CTNNA3: variants seen among roughly 807,000 people sequenced by gnomAD.
CTNNA3 encodes catenin alpha 3, also known as catenin alpha-3.
CTNNA3 carries 76 observed loss-of-function variants against 95.7 expected under a neutral mutation model. The observed-to-expected ratio is 0.79, with a 90% confidence interval of 0.66 to 0.96. The LOEUF (loss-of-function observed/expected upper bound fraction) is 0.96. Ranked by LOEUF, CTNNA3 falls within the 40% of genes least tolerant of loss-of-function variation. CTNNA3 has a pLI of 0.00. For missense variants in CTNNA3, 1,191 were observed against 1,089.8 expected, an observed-to-expected ratio of 1.09 and a Z score of -1.31; for synonymous variants, 431 against 374.4, an observed-to-expected ratio of 1.15 and a Z score of -1.74.
intron 11 of CTNNA3, among the ~76,000 whole-genome samples, chr10:66,483,603 C>T (rs1289862956): frequency 6.6e-6 from 1 of 152,126 alleles, no homozygotes; most frequent in African/African-American, 2.4e-5. Context: ...GTTGTCTTTA[C>T]CTCCTACACC....
chr10:66,420,842 A>AAATAAATAACT (rs1564945941), intron 11 of CTNNA3, among the ~76,000 whole-genome samples: 5 of 107,926 alleles, frequency 4.6e-5, no homozygotes, highest in African/African-American at 2.0e-4. Context: ...AATAAATAAA[A>AAATAAATAACT]AACAATATGG....
chr10:66,668,462 C>CACATCCACAT (rs1167088917), intron 9 of CTNNA3, among the ~76,000 whole-genome samples: 2 of 126,808 alleles, frequency 1.6e-5, no homozygotes, highest in African/African-American at 6.4e-5. Flanking sequence ...GTGTGTGATA[C>CACATCCACAT]ACATCCACAT....
chr10:66,281,526 A>G (rs1344654475), intron 12 of CTNNA3, among the ~76,000 whole-genome samples: 1 of 151,850 alleles, frequency 6.6e-6, no homozygotes, highest in Non-Finnish European at 1.5e-5. Flanking sequence ...TCAGAGTCCC[A>G]AAATGCAGTT....
At chr10:67,187,448 A>G (rs570873276) in intron 6 of CTNNA3, among the ~76,000 whole-genome samples, 1 of 152,194 alleles carries the variant, frequency 6.6e-6, no homozygotes, top group Admixed American at 6.5e-5. Flanking sequence ...CATTCACCTG[A>G]GTCTCATTAT....
At chr10:66,523,744 G>A (rs907005936) in intron 10 of CTNNA3, among the ~76,000 whole-genome samples, 3 of 151,706 alleles carry the variant, frequency 2.0e-5, no homozygotes, top group African/African-American at 4.8e-5. Context: ...ATCTTAACTG[G>A]GCCATTCTAG....
At chr10:66,214,430 G>C (rs1202385754) in intron 13 of CTNNA3, among the ~76,000 whole-genome samples, 1 of 152,102 alleles carries the variant, frequency 6.6e-6, no homozygotes, top group African/African-American at 2.4e-5. Context: ...ATTTGTGATT[G>C]TATATTGAAT....
intron 14 of CTNNA3, among the ~76,000 whole-genome samples, chr10:66,070,244 G>A (rs1200844936): frequency 6.6e-6 from 1 of 152,160 alleles, no homozygotes; most frequent in Non-Finnish European, 1.5e-5. Flanking sequence ...ATGTGAGGTT[G>A]TAAGAGAGGA....
chr10:66,380,138 C>T (rs2092825636), intron 11 of CTNNA3, among the ~76,000 whole-genome samples: 1 of 152,080 alleles, frequency 6.6e-6, no homozygotes, highest in Non-Finnish European at 1.5e-5. Flanking sequence ...AATTCCAGAA[C>T]ATATCATTAA....
At chr10:67,363,556 T>C (rs932013811) in intron 5 of CTNNA3, among the ~76,000 whole-genome samples, 2 of 151,098 alleles carry the variant, frequency 1.3e-5, no homozygotes, top group African/African-American at 4.9e-5. Context: ...ATCAACAAAA[T>C]AGATAGACTG....
At chr10:66,236,734 A>G (rs2089871090) in intron 13 of CTNNA3, among the ~76,000 whole-genome samples, 1 of 152,170 alleles carries the variant, frequency 6.6e-6, no homozygotes, top group Non-Finnish European at 1.5e-5. Flanking sequence ...TATCTTTCCA[A>G]CATGCTTTTG....
chr10:67,073,586 CAT>C (rs1856580231), intron 7 of CTNNA3, among the ~76,000 whole-genome samples: 1 of 150,044 alleles, frequency 6.7e-6, no homozygotes, highest in Non-Finnish European at 1.5e-5. Flanking sequence ...ATGAGAGAGT[CAT>C]ATTAAAAAAA....
At chr10:66,957,903 C>T (rs1050196042) in intron 7 of CTNNA3, among the ~76,000 whole-genome samples, 16 of 152,072 alleles carry the variant, frequency 1.1e-4, no homozygotes, top group South Asian at 4.1e-4. Context: ...CCTGGACTTA[C>T]GCATATGAAC....
At chr10:66,509,100 T>C (rs903414372) in intron 11 of CTNNA3, among the ~76,000 whole-genome samples, 6 of 152,152 alleles carry the variant, frequency 3.9e-5, no homozygotes, top group African/African-American at 1.4e-4. Context: ...TGTGAGATGA[T>C]ACCTCATTGT....
intron 6 of CTNNA3, among the ~76,000 whole-genome samples, chr10:67,190,353 T>C (rs1863064004): frequency 6.6e-6 from 1 of 152,016 alleles, no homozygotes; most frequent in Non-Finnish European, 1.5e-5. Context: ...CACTTTGTAT[T>C]TTCTCTGAGT....
intron 5 of CTNNA3, among the ~76,000 whole-genome samples, chr10:67,429,713 T>C (rs1846044249): frequency 6.6e-6 from 1 of 152,002 alleles, no homozygotes; most frequent in Non-Finnish European, 1.5e-5. Context: ...TGTCGAGGCC[T>C]TTTTGATAAA....
chr10:66,003,683 C>A (rs1392430582), intron 15 of CTNNA3, among the ~76,000 whole-genome samples: 1 of 152,148 alleles, frequency 6.6e-6, no homozygotes, highest in Non-Finnish European at 1.5e-5. Context: ...GTAAAACAGA[C>A]TATTTTCTCC....
upstream of CTNNA3, among the ~76,000 whole-genome samples, chr10:67,698,680 T>C (rs1841008962): frequency 6.6e-6 from 1 of 152,188 alleles, no homozygotes; most frequent in Non-Finnish European, 1.5e-5. Flanking sequence ...TGAACAGCCA[T>C]AATACCTTTC....
intron 12 of CTNNA3, among the ~76,000 whole-genome samples, chr10:66,366,200 A>C (rs1240442070): frequency 6.6e-6 from 1 of 152,188 alleles, no homozygotes; most frequent in Admixed American, 6.6e-5. Context: ...GTTGCAGGAA[A>C]GGCCATAAAA....
intron 10 of CTNNA3, among the ~76,000 whole-genome samples, chr10:66,604,818 A>C (rs1389521564): frequency 6.6e-6 from 1 of 151,810 alleles, no homozygotes; most frequent in South Asian, 2.1e-4. Flanking sequence ...AAGGTCAACA[A>C]CTTCAATGAC....
Sources: gnomAD v4.1 joint callset for allele counts (sites outside exome capture counted in the v4.1 genomes callset) on GRCh38, gnomAD v4.1.1 for gene constraint, MANE v1.5 for transcripts, NCBI Gene and HGNC (gene_info 2026-07-23, HGNC 2026-07-21) for gene names.